The following SLC39A10 variants were observed in gnomAD, a reference collection of about 807,000 sequenced individuals.
SLC39A10 encodes solute carrier family 39 member 10, also known as zinc transporter ZIP10.
A neutral mutation model predicts 65.1 loss-of-function variants in SLC39A10; 13 were observed. The observed-to-expected ratio is 0.20, with a 90% CI of 0.13 to 0.32. The LOEUF is 0.32. Ranked by LOEUF, SLC39A10 falls within the 10% of genes least tolerant of loss-of-function variation. The pLI, the probability that SLC39A10 is intolerant of heterozygous loss-of-function variation, is 1.00. For synonymous variants in SLC39A10, 321 were observed against 342.2 expected (o/e 0.94, Z 0.68); for missense variants, 831 against 1,018.4 (o/e 0.82, Z 2.50).
rs1330129762 is a variant in SLC39A10, at chr2:195,683,922, A to C, written c.1216+16A>C. 1.3e-6 allele frequency: 2 copies of C among 1,581,268 alleles called. No homozygotes were observed. The highest frequency in any genetic ancestry group is 2.1e-4 in the Middle Eastern group (1 of 4,800). ...GGGGCATCAGGTAAGAGAGATTTTA[A>C]GTTTTTTCTCCTTAAAATAGTACCT... On this transcript the variant is annotated intron_variant, in intron 3 of 9. Transcript: ENST00000359634.
rs1692681664 is a variant in SLC39A10 at position 195,737,428 on chromosome 2, A to AAT, written c.*2387_*2388insAT. On this transcript the variant is annotated 3_prime_UTR_variant, in exon 10 of 10. Coordinates refer to ENST00000359634, the MANE Select transcript of SLC39A10 (RefSeq NM_020342.3). ...CAGCTGTGATTGATTGATTATGCTT[A>AAT]GAAATACTATAGTAACTAGATGCAG... 6.3e-6 allele frequency: 1 copy of AAT among 157,876 alleles called. No individual in the cohort carries two copies. Among genetic ancestry groups the AAT allele is most frequent in the African/African-American group, 2.4e-5 (1 of 41,294 alleles). 9.8% of individuals were successfully genotyped at this position (157,876 alleles called of 1,614,324 possible).
At chr2:195,727,069 CTG>C (rs1439034217) in intron 8 of SLC39A10, among the ~76,000 whole-genome samples, 1 of 152,096 alleles carries the variant, frequency 6.6e-6, no homozygotes, top group East Asian at 1.9e-4. Flanking sequence ...TGACACTTCT[CTG>C]AGCAATATTT....
chr2:195,632,741 A>C (rs1688615054), intron 2 of SLC39A10, among the ~76,000 whole-genome samples: 1 of 137,704 alleles, frequency 7.3e-6, no homozygotes, highest in Non-Finnish European at 1.5e-5. Context: ...ATGAAAAGAT[A>C]GCACTTATTT....
intron 2 of SLC39A10, among the ~76,000 whole-genome samples, chr2:195,635,049 C>CA (rs1373292712): frequency 9.9e-5 from 15 of 151,270 alleles, no homozygotes; most frequent in African/African-American, 3.2e-4. Flanking sequence ...ACTTTGTCTC[C>CA]AAAAAAAACA....
chr2:195,660,342 A>T (rs1345208404), intron 1 of SLC39A10, among the ~76,000 whole-genome samples: 3 of 152,226 alleles, frequency 2.0e-5, no homozygotes, highest in Non-Finnish European at 4.4e-5. Flanking sequence ...AATGTAGGGA[A>T]TCAAAACAAC....
intron 5 of SLC39A10, among the ~76,000 whole-genome samples, chr2:195,711,612 C>T (rs535925145): frequency 2.0e-5 from 3 of 152,222 alleles, no homozygotes; most frequent in Admixed American, 6.5e-5. Flanking sequence ...ATTAGTGATA[C>T]TTGAGTAGAA....
chr2:195,683,934 T>C (rs1431048317), intron 3 of SLC39A10, 28 bp downstream of exon 3: 1 of 1,476,702 alleles, frequency 6.8e-7, no homozygotes, highest in Admixed American at 1.7e-5. Context: ...TTTTTTCTCC[T>C]TAAAATAGTA....
chr2:195,708,383 A>G (rs943029597), intron 4 of SLC39A10, among the ~76,000 whole-genome samples: 1 of 152,128 alleles, frequency 6.6e-6, no homozygotes, highest in African/African-American at 2.4e-5. Context: ...CCCTATTGTT[A>G]CTTCTGGCTT....
chr2:195,713,485 G>A lies in SLC39A10; in HGVS notation c.1628G>A (p.Arg543Lys). 1 of 1,584,126 alleles carries A rather than the reference G, an allele frequency of 6.3e-7. No homozygotes were observed. Among genetic ancestry groups the A allele is most frequent in the South Asian group, 1.2e-5 (1 of 84,288 alleles). ...KQNTEESTIG[R>K]KLSDHKLNNT... Reference sequence around the variant, plus strand: ...AACACAGAAGAATCAACTATTGGAAGAAAGCTTTCAGATCACAAGTTAAAC... The same window carrying A: ...AACACAGAAGAATCAACTATTGGAAAAAAGCTTTCAGATCACAAGTTAAAC... The change falls in exon 6 of 10, where the codon AGA (arginine) becomes AAA (lysine). Residue 543 changes from arginine to lysine, a missense_variant. Coordinates refer to ENST00000359634, the MANE Select transcript of SLC39A10 (RefSeq NM_020342.3).
chr2:195,654,218 C>T (rs1186553918), upstream of SLC39A10, among the ~76,000 whole-genome samples: 4 of 152,092 alleles, frequency 2.6e-5, no homozygotes, highest in African/African-American at 4.8e-5. Context: ...GGATTACAGG[C>T]GTGAGCCACC....
At chr2:195,613,444 A>G (rs1688140955) in intron 2 of SLC39A10, among the ~76,000 whole-genome samples, 2 of 152,202 alleles carry the variant, frequency 1.3e-5, no homozygotes, top group African/African-American at 4.8e-5. Flanking sequence ...TAAAATTACA[A>G]AGGAATGGTA....
chr2:195,680,774 T>G lies in SLC39A10; in HGVS notation c.732T>G (p.Ser244=). 6.2e-7 allele frequency: 1 copy of G among 1,614,208 alleles called. No homozygotes were observed. Among genetic ancestry groups the G allele is most frequent in the Non-Finnish European group, 8.5e-7 (1 of 1,180,028 alleles). ...KKKGRKSNEN[S]EVITPGFPPN... is the part of the protein sequence containing the mutation. ...AAGGGAGGAAAAGTAATGAAAATTC[T>G]GAGGTTATTACACCAGGTTTTCCCC... Residue 244 remains serine, a synonymous_variant, in exon 2 of 10, where the codon TCT becomes TCG. Coordinates refer to ENST00000359634, the MANE Select transcript of SLC39A10 (RefSeq NM_020342.3).
intron 2 of SLC39A10, among the ~76,000 whole-genome samples, chr2:195,645,224 T>C (rs1688890940): frequency 6.6e-6 from 1 of 151,562 alleles, no homozygotes; most frequent in African/African-American, 2.4e-5. Flanking sequence ...ACTACTTTAT[T>C]TAAAAAAAAA....
chr2:195,638,471 C>T (rs781500728), intron 2 of SLC39A10, among the ~76,000 whole-genome samples: 1 of 152,034 alleles, frequency 6.6e-6, no homozygotes, highest in East Asian at 1.9e-4. Context: ...TCCCGAGTAG[C>T]TGAGACTACA....
intron 3 of SLC39A10, among the ~76,000 whole-genome samples, chr2:195,696,475 A>G (rs1049675868): frequency 3.3e-5 from 5 of 152,170 alleles, no homozygotes; most frequent in Non-Finnish European, 7.3e-5. Flanking sequence ...GACCAAAAAT[A>G]TTTGGGGAAA....
chr2:195,639,016 A>T (rs1160162030), intron 2 of SLC39A10, among the ~76,000 whole-genome samples: 1 of 150,022 alleles, frequency 6.7e-6, no homozygotes, highest in Non-Finnish European at 1.5e-5. Context: ...AGTGCAGTGG[A>T]ACCATCGTAG....
intron 3 of SLC39A10, among the ~76,000 whole-genome samples, chr2:195,696,319 G>GAAAAA (rs67651617): frequency 1.4e-5 from 2 of 140,934 alleles, no homozygotes; most frequent in Non-Finnish European, 1.5e-5. Flanking sequence ...TTTTATTTCT[G>GAAAAA]AAAAAAAAAA....
At chr2:195,616,256 G>T (rs1259745411) in intron 2 of SLC39A10, among the ~76,000 whole-genome samples, 2 of 152,138 alleles carry the variant, frequency 1.3e-5, no homozygotes, top group East Asian at 3.9e-4. Flanking sequence ...TGCCCAGCCA[G>T]ATCTAGGAGA....
chr2:195,657,561 C>T (rs1010775026), intron 1 of SLC39A10: 35 of 983,620 alleles, frequency 3.6e-5, no homozygotes, highest in Non-Finnish European at 4.1e-5. Context: ...GAGCCGGCGG[C>T]ATCCACTTCG....
Sources: allele counts gnomAD v4.1 joint callset (sites outside exome capture counted in the v4.1 genomes callset), GRCh38; gene constraint gnomAD v4.1.1; transcripts MANE v1.5; gene names NCBI Gene and HGNC (gene_info 2026-07-23, HGNC 2026-07-21).